Variants in RAD51B observed in about 807,000 individuals in gnomAD.
RAD51B encodes the protein DNA repair protein RAD51 homolog 2.
Under a neutral mutation model 42.2 loss-of-function variants are expected in RAD51B, and 38 were observed. That is an observed-to-expected ratio of 0.90 (90% CI 0.70 to 1.18). The LOEUF is 1.18. Ranked by LOEUF, RAD51B falls within the 50% of genes most tolerant of loss-of-function variation. The pLI is 0.00. For synonymous variants in RAD51B, 154 were observed against 145.2 expected (o/e 1.06, Z -0.43); for missense variants, 373 against 400.7 (o/e 0.93, Z 0.59).
chr14:68,102,063 G>T (rs2077300091), intron 7 of RAD51B, among the ~76,000 whole-genome samples: 1 of 152,206 alleles, frequency 6.6e-6, no homozygotes, highest in African/African-American at 2.4e-5. Context: ...GGCCTGAAAT[G>T]TACCTTGGCC....
intron 7 of RAD51B, among the ~76,000 whole-genome samples, chr14:67,993,257 C>T (rs1462231828): frequency 6.6e-6 from 1 of 152,076 alleles, no homozygotes; most frequent in East Asian, 1.9e-4. Context: ...TATACTCACC[C>T]TGTTGTGCTA....
intron 7 of RAD51B, among the ~76,000 whole-genome samples, chr14:68,091,630 G>T (rs1294429971): frequency 2.6e-5 from 4 of 152,070 alleles, no homozygotes; most frequent in South Asian, 2.1e-4. Context: ...TGCAAAAATT[G>T]TCTCCCATTC....
intron 7 of RAD51B, among the ~76,000 whole-genome samples, chr14:67,904,245 C>T (rs905411652): frequency 6.6e-6 from 1 of 151,922 alleles, no homozygotes; most frequent in Non-Finnish European, 1.5e-5. Flanking sequence ...TGGTAGAATC[C>T]TTATATTCCT....
intron 10 of RAD51B, among the ~76,000 whole-genome samples, chr14:68,558,089 T>A (rs1426247960): frequency 6.6e-6 from 1 of 152,218 alleles, no homozygotes; most frequent in Admixed American, 6.5e-5. Flanking sequence ...GTTCTCGTCC[T>A]CTCTCAGTCC....
chr14:68,281,690 T>G (rs1045661074), intron 7 of RAD51B, among the ~76,000 whole-genome samples: 3 of 152,244 alleles, frequency 2.0e-5, no homozygotes, highest in African/African-American at 7.2e-5. Flanking sequence ...ATGGTTATTC[T>G]TATTAATGAT....
At chr14:68,431,787 C>T (rs1215380688) in intron 9 of RAD51B, among the ~76,000 whole-genome samples, 1 of 152,200 alleles carries the variant, frequency 6.6e-6, no homozygotes, top group Non-Finnish European at 1.5e-5. Context: ...TTCTTGCCTT[C>T]TGCTAGCTTT....
At chr14:68,178,156 A>G (rs1280709321) in intron 7 of RAD51B, among the ~76,000 whole-genome samples, 2 of 152,130 alleles carry the variant, frequency 1.3e-5, no homozygotes, top group Non-Finnish European at 2.9e-5. Context: ...TGCGGATCAA[A>G]CACACAGCTT....
chr14:68,333,467 G>A (rs1380710612), intron 8 of RAD51B, among the ~76,000 whole-genome samples: 1 of 152,224 alleles, frequency 6.6e-6, no homozygotes, highest in East Asian at 1.9e-4. Context: ...AAGCCACTTT[G>A]AAGAACTATC....
rs576632132 is a variant in RAD51B at position 67,910,405 on chromosome 14, CAAAAAAAAAAAAAAAAAAAAAAAA to C, written c.756+23215_756+23238del. Among the ~76,000 whole-genome samples the C allele has an allele frequency of 4.4e-4, 4 of 9,038 alleles. 1 individual carries two copies. Among genetic ancestry groups the C allele is most frequent in the Admixed American group, 2.2e-3 (1 of 450 alleles). The allele number at this position is 9,038 out of a possible 152,430, so 5.9% of individuals were successfully genotyped here. ...TGGGCGACAGAGCGAGACTCTGTCT[CAAAAAAAAAAAAAAAAAAAAAAAA>C]AAAAAAAAAAAAATATTTAAATAAA... On this transcript the variant is annotated intron_variant, in intron 7 of 10. Coordinates refer to ENST00000471583, the MANE Select transcript of RAD51B (RefSeq NM_133510.4).
intron 7 of RAD51B, among the ~76,000 whole-genome samples, chr14:68,008,494 A>C (rs2075628789): frequency 6.6e-6 from 1 of 151,982 alleles, no homozygotes; most frequent in African/African-American, 2.4e-5. Context: ...CGGTGTAATT[A>C]AGGTTGATAT....
intron 5 of RAD51B, among the ~76,000 whole-genome samples, chr14:67,875,474 G>C (rs2042695650): frequency 6.6e-6 from 1 of 152,112 alleles, no homozygotes; most frequent in Non-Finnish European, 1.5e-5. Flanking sequence ...GATGGTGGTT[G>C]CATAAGATTA....
chr14:68,442,412 C>T (rs2085319963), intron 9 of RAD51B, among the ~76,000 whole-genome samples: 1 of 148,042 alleles, frequency 6.8e-6, no homozygotes, highest in South Asian at 2.1e-4. Flanking sequence ...TTCTTGAGTG[C>T]CTACTATGTA....
At chr14:67,864,500 C>T (rs1211054355) in intron 4 of RAD51B, among the ~76,000 whole-genome samples, 1 of 152,120 alleles carries the variant, frequency 6.6e-6, no homozygotes. Flanking sequence ...ACATCAGTAC[C>T]CTTCACCCCT....
chr14:68,576,684 C>T (rs989378355), intron 10 of RAD51B, among the ~76,000 whole-genome samples: 2 of 152,130 alleles, frequency 1.3e-5, no homozygotes, highest in African/African-American at 4.8e-5. Context: ...ACAATCAGAT[C>T]AGTGGTACCC....
chr14:68,493,061 C>T (rs930752594), intron 10 of RAD51B, among the ~76,000 whole-genome samples: 4 of 152,166 alleles, frequency 2.6e-5, no homozygotes, highest in South Asian at 2.1e-4. Flanking sequence ...CCAGCGACAC[C>T]GGAGATGAGG....
chr14:68,662,890 C>A (rs1363605864), intron 11 of RAD51B, among the ~76,000 whole-genome samples: 1 of 152,214 alleles, frequency 6.6e-6, no homozygotes, highest in African/African-American at 2.4e-5. Context: ...CCACAGCCAC[C>A]CCATCCTCCT....
intron 7 of RAD51B, among the ~76,000 whole-genome samples, chr14:68,207,907 A>G (rs1401762276): frequency 6.6e-6 from 1 of 152,140 alleles, no homozygotes; most frequent in Non-Finnish European, 1.5e-5. Flanking sequence ...TTAATGTTTA[A>G]TGTTTTGGGG....
At chr14:68,435,905 C>T (rs2085137566) in intron 9 of RAD51B, among the ~76,000 whole-genome samples, 1 of 151,856 alleles carries the variant, frequency 6.6e-6, no homozygotes. Context: ...GTTTAAGTTC[C>T]TTATAGATTC....
chr14:68,155,251 G>A (rs180943174), intron 7 of RAD51B, among the ~76,000 whole-genome samples: 20 of 151,766 alleles, frequency 1.3e-4, no homozygotes, highest in South Asian at 1.3e-3. Context: ...GAGTGCAGTG[G>A]CGTGATCTCA....
Sources: gnomAD v4.1 joint callset for allele counts (sites outside exome capture counted in the v4.1 genomes callset) on GRCh38, gnomAD v4.1.1 for gene constraint, MANE v1.5 for transcripts, NCBI Gene and HGNC (gene_info 2026-07-23, HGNC 2026-07-21) for gene names.